ARHGAP32: variants seen among roughly 807,000 people sequenced by gnomAD.
ARHGAP32 encodes Rho GTPase activating protein 32.
A neutral mutation model predicts 186.5 loss-of-function variants in ARHGAP32; 51 were observed. The observed-to-expected ratio is 0.27, with a 90% CI of 0.22 to 0.35. The LOEUF (loss-of-function observed/expected upper bound fraction) is 0.35. ARHGAP32 is among the 10% of genes least tolerant of loss of function. ARHGAP32 has a pLI of 1.00. For missense variants in ARHGAP32, 2,186 were observed against 2,623.5 expected (o/e 0.83, Z 3.64); for synonymous variants, 950 against 964.3 (o/e 0.99, Z 0.27).
chr11:129,106,853 A>T (rs1174003470), intron 5 of ARHGAP32, among the ~76,000 whole-genome samples: 3 of 152,240 alleles, frequency 2.0e-5, no homozygotes, highest in African/African-American at 7.2e-5. Flanking sequence ...GAGACCCATC[A>T]AGTGGACCAA....
intron 1 of ARHGAP32, among the ~76,000 whole-genome samples, chr11:129,273,491 G>C (rs1945495289): frequency 6.6e-6 from 1 of 152,164 alleles, no homozygotes; most frequent in Admixed American, 6.5e-5. Flanking sequence ...GTCACAAGCT[G>C]TTTACAACAG....
intron 7 of ARHGAP32, among the ~76,000 whole-genome samples, chr11:129,066,021 A>G (rs1940676035): frequency 1.3e-5 from 2 of 152,102 alleles, no homozygotes; most frequent in Non-Finnish European, 2.9e-5. Context: ...AACATCTCTG[A>G]TTTTAGTTTA....
intron 1 of ARHGAP32, among the ~76,000 whole-genome samples, chr11:129,173,765 A>G (rs1943827001): frequency 6.6e-6 from 1 of 152,240 alleles, no homozygotes; most frequent in Non-Finnish European, 1.5e-5. Context: ...AAAATTATTG[A>G]AAAACACAAA....
At chr11:129,038,211 A>G (rs1277340895) in intron 11 of ARHGAP32, among the ~76,000 whole-genome samples, 1 of 152,100 alleles carries the variant, frequency 6.6e-6, no homozygotes, top group East Asian at 1.9e-4. Context: ...AAGGGTATCA[A>G]GGTAATTCAA....
chr11:129,020,338 T>C (rs1001823235), intron 11 of ARHGAP32, among the ~76,000 whole-genome samples: 1 of 152,128 alleles, frequency 6.6e-6, no homozygotes, highest in Non-Finnish European at 1.5e-5. Flanking sequence ...TGCTTAGTAG[T>C]AATAAGGAGT....
chr11:128,993,992 CCTG>C (rs1417815741), intron 12 of ARHGAP32, among the ~76,000 whole-genome samples: 4 of 152,082 alleles, frequency 2.6e-5, no homozygotes, highest in Admixed American at 6.6e-5. Flanking sequence ...TGTAGTTTAA[CCTG>C]CTATTTTTCA....
At chr11:129,057,740 G>C (rs902477925) in intron 10 of ARHGAP32, among the ~76,000 whole-genome samples, 2 of 150,802 alleles carry the variant, frequency 1.3e-5, no homozygotes, top group Non-Finnish European at 2.9e-5. Flanking sequence ...TAGTGGACTC[G>C]CAAAGGTCAA....
At chr11:129,157,179 G>A (rs1943427672) in intron 2 of ARHGAP32, among the ~76,000 whole-genome samples, 1 of 151,992 alleles carries the variant, frequency 6.6e-6, no homozygotes, top group Admixed American at 6.6e-5. Context: ...CTCCTCCAAG[G>A]GATCACAACT....
chr11:128,995,826 G>A lies in ARHGAP32; in HGVS notation c.1195+2493C>T, dbSNP rs184843747. Reference sequence around the variant, plus strand: ...TGCACTCCAGCCTGGATGACAGAGTGAAACCCCATCTCAAAAAAGAACATT... The same window carrying A: ...TGCACTCCAGCCTGGATGACAGAGTAAAACCCCATCTCAAAAAAGAACATT... On this transcript the variant is annotated intron_variant, in intron 12 of 22. Coordinates refer to ENST00000682385, the MANE Select transcript of ARHGAP32 (RefSeq NM_001378024.1). Among the ~76,000 whole-genome samples, 903 of 152,316 alleles carry A rather than the reference G, an allele frequency of 5.9e-3. 15 individuals are homozygous for A. The highest frequency in any genetic ancestry group is 0.021 in the African/African-American group (856 of 41,576).
intron 12 of ARHGAP32, among the ~76,000 whole-genome samples, chr11:128,992,427 C>T (rs1028378161): frequency 4.0e-5 from 4 of 99,622 alleles, no homozygotes; most frequent in African/African-American, 1.3e-4. Flanking sequence ...AACGTCACAT[C>T]ACCACCACCA....
intron 20 of ARHGAP32, among the ~76,000 whole-genome samples, chr11:128,976,268 T>A (rs79622165): frequency 3.9e-4 from 60 of 152,178 alleles, no homozygotes; most frequent in African/African-American, 1.4e-3. Context: ...AAGGAAACAG[T>A]AATAACACAA....
At chr11:129,013,301 C>T (rs879791832) in intron 11 of ARHGAP32, among the ~76,000 whole-genome samples, 1 of 152,182 alleles carries the variant, frequency 6.6e-6, no homozygotes, top group Non-Finnish European at 1.5e-5. Flanking sequence ...TGTCACCTTT[C>T]CACAAAACAT....
intron 2 of ARHGAP32, among the ~76,000 whole-genome samples, chr11:129,161,991 T>C (rs1293644773): frequency 6.6e-6 from 1 of 152,208 alleles, no homozygotes; most frequent in Admixed American, 6.5e-5. Context: ...TTCTTGTCCT[T>C]TGCAGGGACA....
At chr11:129,049,393 T>C (rs998063391) in intron 10 of ARHGAP32, among the ~76,000 whole-genome samples, 3 of 152,328 alleles carry the variant, frequency 2.0e-5, no homozygotes, top group East Asian at 1.9e-4. Context: ...AACTGAGGTA[T>C]AGTTAACCCA....
intron 5 of ARHGAP32, among the ~76,000 whole-genome samples, chr11:129,111,202 C>T (rs991272516): frequency 3.3e-5 from 5 of 152,202 alleles, no homozygotes; most frequent in South Asian, 2.1e-4. Flanking sequence ...GTCTTTCAGT[C>T]GGCTGATGTG....
chr11:129,117,538 C>G (rs1481036125), intron 5 of ARHGAP32, among the ~76,000 whole-genome samples: 1 of 151,928 alleles, frequency 6.6e-6, no homozygotes, highest in Non-Finnish European at 1.5e-5. Context: ...TGATAGAAAG[C>G]CATGACAGCA....
intron 17 of ARHGAP32, among the ~76,000 whole-genome samples, 174 bp from the exon 18 acceptor site, chr11:128,980,922 C>A (rs888961946): frequency 6.6e-6 from 1 of 152,162 alleles, no homozygotes; most frequent in Non-Finnish European, 1.5e-5. Flanking sequence ...GGGGACATAC[C>A]AGTGGCACAC....
intron 6 of ARHGAP32, among the ~76,000 whole-genome samples, chr11:129,083,393 A>G (rs1176962272): frequency 6.6e-6 from 1 of 152,232 alleles, no homozygotes; most frequent in Non-Finnish European, 1.5e-5. Flanking sequence ...ACTCAGCCAT[A>G]AAATGGAACA....
intron 11 of ARHGAP32, among the ~76,000 whole-genome samples, chr11:129,008,381 C>T (rs1937897932): frequency 6.6e-6 from 1 of 152,172 alleles, no homozygotes; most frequent in Admixed American, 6.5e-5. Flanking sequence ...CCTGAGGGAA[C>T]CTTGTGTGCC....
Sources: gnomAD v4.1 joint callset for allele counts (sites outside exome capture counted in the v4.1 genomes callset) on GRCh38, gnomAD v4.1.1 for gene constraint, MANE v1.5 for transcripts, NCBI Gene and HGNC (gene_info 2026-07-23, HGNC 2026-07-21) for gene names.